ACTR3C: variants seen among roughly 807,000 people sequenced by gnomAD.
ACTR3C encodes actin related protein 3C.
In ACTR3C, 18 loss-of-function variants were observed where a neutral mutation model predicts 26.3. That is an observed-to-expected ratio of 0.68 (90% CI 0.47 to 1.01). ACTR3C has a LOEUF of 1.01. Among genes scored for constraint, ACTR3C ranks in the 50% least tolerant of loss-of-function variants. The pLI, the probability that ACTR3C is intolerant of heterozygous loss-of-function variation, is 0.00. For synonymous variants in ACTR3C, 55 were observed against 94.5 expected (o/e 0.58, Z 2.42); for missense variants, 184 against 250.7 (o/e 0.73, Z 1.80).
the ACTR3C span, chr7:150,073,904 T>C: frequency 6.6e-6 from 1 of 152,242 alleles, no homozygotes; most frequent in Admixed American, 6.5e-5. Flanking sequence ...AGCAGTTTTA[T>C]GCTATTGATG....
intron 6 of ACTR3C, among the ~76,000 whole-genome samples, chr7:150,266,730 C>A (rs111990558): frequency 1.3e-5 from 2 of 152,050 alleles, no homozygotes; most frequent in Non-Finnish European, 2.9e-5. Flanking sequence ...AGTTGTCACT[C>A]AATAAACAAA....
At chr7:150,288,325 T>A (rs1835944518) in intron 4 of ACTR3C, among the ~76,000 whole-genome samples, 3 of 148,882 alleles carry the variant, frequency 2.0e-5, no homozygotes, top group Admixed American at 2.0e-4. Flanking sequence ...GCAGTGTTGC[T>A]CAGCAATCCT....
chr7:150,194,209 G>A, the ACTR3C span, among the ~76,000 whole-genome samples: 5 of 147,154 alleles, frequency 3.4e-5, no homozygotes, highest in Admixed American at 2.7e-4. Context: ...ACCCCTATTT[G>A]CTTCTGATAA....
At chr7:150,098,595 C>T in the ACTR3C span, among the ~76,000 whole-genome samples, 3 of 151,778 alleles carry the variant, frequency 2.0e-5, no homozygotes, top group African/African-American at 7.3e-5. Context: ...GCTTTTTGAA[C>T]TCAGGAATAT....
intron 1 of ACTR3C, among the ~76,000 whole-genome samples, chr7:150,307,854 G>A (rs1291763437): frequency 2.6e-5 from 4 of 152,176 alleles, no homozygotes; most frequent in Non-Finnish European, 5.9e-5. Flanking sequence ...TGGGTAAGTG[G>A]CCTCTTTTTA....
chr7:150,238,545 G>A, the ACTR3C span, among the ~76,000 whole-genome samples: 1 of 136,612 alleles, frequency 7.3e-6, no homozygotes, highest in Admixed American at 7.2e-5. Flanking sequence ...AGGCTACTAT[G>A]AATAACATTG....
the ACTR3C span, among the ~76,000 whole-genome samples, chr7:150,041,090 T>C: frequency 6.6e-6 from 1 of 150,560 alleles, no homozygotes; most frequent in Non-Finnish European, 1.5e-5. Flanking sequence ...ACGCATACAA[T>C]GGAAAAGGCT....
At chr7:150,292,777 G>A (rs1188097893) in intron 3 of ACTR3C, among the ~76,000 whole-genome samples, 7 of 151,974 alleles carry the variant, frequency 4.6e-5, no homozygotes, top group Non-Finnish European at 5.9e-5. Flanking sequence ...GATTACAGGC[G>A]TGAGCCACCG....
chr7:149,894,491 C>T, the ACTR3C span, among the ~76,000 whole-genome samples: 1 of 151,932 alleles, frequency 6.6e-6, no homozygotes, highest in Non-Finnish European at 1.5e-5. Context: ...AAACTATCTA[C>T]CTGACAAAAG....
chr7:149,988,433 C>T, the ACTR3C span, among the ~76,000 whole-genome samples: 1 of 152,194 alleles, frequency 6.6e-6, no homozygotes, highest in Non-Finnish European at 1.5e-5. Flanking sequence ...CATTTCTCCC[C>T]TTGCAACCAG....
chr7:150,039,816 G>A, the ACTR3C span, among the ~76,000 whole-genome samples: 31 of 134,642 alleles, frequency 2.3e-4, no homozygotes, highest in African/African-American at 5.7e-4. Flanking sequence ...CCTGCCTCGC[G>A]GGGGGTGCCT....
chr7:150,214,952 C>T, the ACTR3C span, among the ~76,000 whole-genome samples: 1 of 151,910 alleles, frequency 6.6e-6, no homozygotes, highest in Non-Finnish European at 1.5e-5. Flanking sequence ...CAGGAAAATA[C>T]ATCCTTTAAG....
At chr7:149,955,136 A>G in the ACTR3C span, among the ~76,000 whole-genome samples, 1 of 152,212 alleles carries the variant, frequency 6.6e-6, no homozygotes, top group Non-Finnish European at 1.5e-5. Flanking sequence ...ATTTACTTGA[A>G]ATGAGCTCCA....
the ACTR3C span, among the ~76,000 whole-genome samples, chr7:150,119,038 G>A: frequency 6.6e-6 from 1 of 151,940 alleles, no homozygotes; most frequent in South Asian, 2.1e-4. Context: ...AGCAAATGCT[G>A]AAAGACTTTG....
the ACTR3C span, among the ~76,000 whole-genome samples, chr7:150,139,707 C>T: frequency 6.6e-6 from 1 of 152,228 alleles, no homozygotes; most frequent in South Asian, 2.1e-4. Flanking sequence ...CCAGCTTCCT[C>T]ATTAACATAC....
At chr7:149,934,651 A>C in the ACTR3C span, among the ~76,000 whole-genome samples, 134,983 of 149,876 alleles carry the variant, frequency 0.9, 61,797 homozygotes, top group Non-Finnish European at 0.99. Context: ...TTATATGGTG[A>C]ATCTCAGTTC....
intron 6 of ACTR3C, among the ~76,000 whole-genome samples, chr7:150,250,511 T>C (rs1410923210): frequency 6.6e-6 from 1 of 151,924 alleles, no homozygotes; most frequent in African/African-American, 2.4e-5. Context: ...CCGACTTGAA[T>C]TTTTAAAATA....
At chr7:150,220,771 G>A in the ACTR3C span, among the ~76,000 whole-genome samples, 1 of 152,310 alleles carries the variant, frequency 6.6e-6, no homozygotes, top group African/African-American at 2.4e-5. Context: ...CCAGGGCAGA[G>A]CCACCGCTGC....
chr7:150,249,286 A>G (rs1418495427), intron 6 of ACTR3C, among the ~76,000 whole-genome samples: 1 of 152,212 alleles, frequency 6.6e-6, no homozygotes, highest in Non-Finnish European at 1.5e-5. Context: ...CTGAAAGAAA[A>G]TAATAGTCAC....
Sources: allele counts gnomAD v4.1 joint callset (sites outside exome capture counted in the v4.1 genomes callset), GRCh38; gene constraint gnomAD v4.1.1; transcripts MANE v1.5; gene names NCBI Gene and HGNC (gene_info 2026-07-23, HGNC 2026-07-21).